MACROD2: variants seen among roughly 807,000 people sequenced by gnomAD.
MACROD2 encodes the protein ADP-ribose glycohydrolase MACROD2.
A neutral mutation model predicts 70.4 loss-of-function variants in MACROD2; 36 were observed. That is an observed-to-expected ratio of 0.51 (90% CI 0.39 to 0.68). The LOEUF (loss-of-function observed/expected upper bound fraction) is 0.68. Among genes scored for constraint, MACROD2 ranks in the 30% least tolerant of loss-of-function variants. The probability of loss-of-function intolerance (pLI) is 0.00; values close to 1 mark genes in which losing one functional copy is unlikely to be tolerated. For missense variants in MACROD2, 496 were observed against 538.4 expected (o/e 0.92, Z 0.78); for synonymous variants, 172 against 178.8 (o/e 0.96, Z 0.30).
intron 13 of MACROD2, among the ~76,000 whole-genome samples, chr20:15,982,759 G>A (rs1372006096): frequency 2.0e-5 from 3 of 152,198 alleles, no homozygotes; most frequent in African/African-American, 7.2e-5. Context: ...AGTTAGTCTA[G>A]CATTCATTAG....
intron 8 of MACROD2, among the ~76,000 whole-genome samples, chr20:15,818,119 C>G (rs1160724140): frequency 6.6e-6 from 1 of 152,156 alleles, no homozygotes; most frequent in African/African-American, 2.4e-5. Context: ...GGAAAGGGGT[C>G]CCAACCTAGA....
chr20:15,573,917 A>C (rs1477774615), intron 8 of MACROD2, among the ~76,000 whole-genome samples: 2 of 152,136 alleles, frequency 1.3e-5, no homozygotes, highest in Admixed American at 1.3e-4. Flanking sequence ...AATTTTTGGA[A>C]TATCCACTCA....
At chr20:15,983,492 C>T (rs1046369011) in intron 13 of MACROD2, among the ~76,000 whole-genome samples, 1 of 152,150 alleles carries the variant, frequency 6.6e-6, no homozygotes, top group South Asian at 2.1e-4. Flanking sequence ...AAGCTTACTG[C>T]ATCCCTTCAG....
At chr20:14,022,504 T>TTACAGTTTTGTA (rs2053100206) in intron 2 of MACROD2, among the ~76,000 whole-genome samples, 1 of 151,918 alleles carries the variant, frequency 6.6e-6, no homozygotes, top group Admixed American at 6.6e-5. Context: ...TGCAGTTTTG[T>TTACAGTTTTGTA]TACAGAGGTA....
intron 4 of MACROD2, among the ~76,000 whole-genome samples, chr20:14,519,901 C>T (rs1196829292): frequency 6.6e-6 from 1 of 152,090 alleles, no homozygotes; most frequent in African/African-American, 2.4e-5. Flanking sequence ...GGAACGAGAT[C>T]GTATCCTTTG....
intron 4 of MACROD2, among the ~76,000 whole-genome samples, chr20:14,646,680 T>C (rs916336225): frequency 6.6e-6 from 1 of 152,130 alleles, no homozygotes; most frequent in Non-Finnish European, 1.5e-5. Context: ...TTTCACCCTT[T>C]GCATCATTAT....
chr20:14,498,024 G>A (rs1682594001), intron 4 of MACROD2, among the ~76,000 whole-genome samples: 2 of 151,704 alleles, frequency 1.3e-5, no homozygotes, highest in Non-Finnish European at 2.9e-5. Flanking sequence ...ACAAGGTTCA[G>A]TGCCTTGTGT....
rs371504228 is a variant in MACROD2, at chr20:15,537,609, G to A, written c.645+37762G>A. The stretch of plus-strand genomic sequence containing the variant: ...GTGCCTCAGTCTCCCAAATAGCAGG[G>A]ACTACAGGTGCACACTACCATGCCT... On this transcript the variant is annotated intron_variant, in intron 8 of 17. Transcript: ENST00000684519. Among the ~76,000 whole-genome samples, 39 of 151,840 alleles carry A rather than the reference G, an allele frequency of 2.6e-4. 1 individual carries two copies. In the South Asian group the frequency reaches 7.7e-3, roughly 30 times the overall value.
intron 12 of MACROD2, among the ~76,000 whole-genome samples, chr20:15,965,955 G>A (rs564849059): frequency 9.8e-4 from 149 of 152,200 alleles, no homozygotes; most frequent in Middle Eastern, 3.4e-3. Context: ...CACACACTTC[G>A]GGTATATATT....
chr20:15,978,605 T>TCTCTCTCTCC (rs2066347917), intron 13 of MACROD2, among the ~76,000 whole-genome samples: 1 of 151,990 alleles, frequency 6.6e-6, no homozygotes, highest in African/African-American at 2.4e-5. Flanking sequence ...TCTCTCTCTC[T>TCTCTCTCTCC]CTCTCTCTCT....
intron 15 of MACROD2, among the ~76,000 whole-genome samples, chr20:16,035,045 A>T: frequency 7.1e-6 from 1 of 140,650 alleles, no homozygotes; most frequent in Admixed American, 7.4e-5. Context: ...TATAAAATAT[A>T]ATATAGAATA....
chr20:15,631,359 T>C (rs1345671898), intron 8 of MACROD2, among the ~76,000 whole-genome samples: 2 of 152,234 alleles, frequency 1.3e-5, no homozygotes, highest in Non-Finnish European at 2.9e-5. Flanking sequence ...TTTAGTGTCA[T>C]TAATGATCTC....
chr20:14,590,698 T>G (rs569864514), intron 4 of MACROD2, among the ~76,000 whole-genome samples: 7 of 152,226 alleles, frequency 4.6e-5, no homozygotes, highest in African/African-American at 1.7e-4. Context: ...TTTTCTCTAC[T>G]GTAAGCAACA....
chr20:15,355,310 G>T (rs1325845066), intron 6 of MACROD2, among the ~76,000 whole-genome samples: 1 of 152,048 alleles, frequency 6.6e-6, no homozygotes, highest in Non-Finnish European at 1.5e-5. Context: ...ATGTTAATTT[G>T]GTAGATCAAC....
At chr20:14,067,005 G>T (rs1475799264) in intron 2 of MACROD2, among the ~76,000 whole-genome samples, 1 of 151,036 alleles carries the variant, frequency 6.6e-6, no homozygotes, top group Admixed American at 6.6e-5. Context: ...TAGAGATGGG[G>T]TTTCACCTTG....
At chr20:15,520,450 A>G (rs1325325112) in intron 8 of MACROD2, among the ~76,000 whole-genome samples, 1 of 152,240 alleles carries the variant, frequency 6.6e-6, no homozygotes, top group Admixed American at 6.5e-5. Flanking sequence ...CAGGCCATCC[A>G]TCCCTTTCAC....
chr20:15,168,455 G>GTGTGTA (rs2076401163), intron 5 of MACROD2, among the ~76,000 whole-genome samples: 1 of 145,320 alleles, frequency 6.9e-6, no homozygotes, highest in Non-Finnish European at 1.5e-5. Context: ...GTGTGTGTGT[G>GTGTGTA]TGTGTGTGTG....
At chr20:15,155,629 C>T (rs1162536944) in intron 5 of MACROD2, among the ~76,000 whole-genome samples, 2 of 152,132 alleles carry the variant, frequency 1.3e-5, no homozygotes, top group African/African-American at 2.4e-5. Context: ...CTGAGCCTAT[C>T]ATGTATCTCT....
In MACROD2 at chr20:14,547,390, T is replaced by C. The variant is rs139229462; in HGVS notation, c.301+53882T>C. ...CTTTGTTTCTGATCTGATCTATCTCTTCCAGGGTCATAAATCCCTTCAGGC... is the reference window on the plus strand; with the variant it reads ...CTTTGTTTCTGATCTGATCTATCTCCTCCAGGGTCATAAATCCCTTCAGGC... On this transcript the variant is annotated intron_variant, in intron 4 of 17. Transcript: ENST00000684519. 8.1e-3 allele frequency: 1,854 copies of C among 227,548 alleles called. 17 individuals are homozygous for C. The highest frequency in any genetic ancestry group is 0.018 in the Admixed American group (430 of 23,812). 14.1% of individuals were successfully genotyped at this position (227,548 alleles called of 1,614,324 possible).
Sources: gnomAD v4.1 joint callset for allele counts (sites outside exome capture counted in the v4.1 genomes callset) on GRCh38, gnomAD v4.1.1 for gene constraint, MANE v1.5 for transcripts, NCBI Gene and HGNC (gene_info 2026-07-23, HGNC 2026-07-21) for gene names.